AMBRA1: variants seen among roughly 807,000 people sequenced by gnomAD.
AMBRA1 encodes autophagy and beclin 1 regulator 1.
Under a neutral mutation model 125.4 loss-of-function variants are expected in AMBRA1, and 47 were observed. The ratio of observed to expected loss-of-function variants is 0.37; its 90% CI spans 0.30 to 0.48. The LOEUF (loss-of-function observed/expected upper bound fraction) is 0.48, where lower values mean the gene tolerates loss of function less well. AMBRA1 is among the 20% of genes least tolerant of loss of function. The probability of loss-of-function intolerance (pLI) is 0.99; values close to 1 mark genes in which losing one functional copy is unlikely to be tolerated. For synonymous variants in AMBRA1, 626 were observed against 655.5 expected, an observed-to-expected ratio of 0.95 and a Z score of 0.69; for missense variants, 1,331 against 1,693.4, an observed-to-expected ratio of 0.79 and a Z score of 3.76.
chr11:46,397,679 T>G lies in AMBRA1; in HGVS notation c.3668A>C (p.Glu1223Ala). The G allele has an allele frequency of 6.2e-7, 1 of 1,613,120 alleles. No individual in the cohort carries two copies. The highest frequency in any genetic ancestry group is 1.3e-5 in the African/African-American group (1 of 75,032). ...AGCTGTCCGGGGGCTTAGGCCTCGC[T>G]CTGCCAGTTGCCCGGCCTCTGGGAG... ...GLLPEAGQLA[E>A]RGLSPRTASW... The change falls in exon 18 of 18, where the codon GAG (glutamate) becomes GCG (alanine). Residue 1223 changes from glutamate to alanine, a missense_variant. Transcript: ENST00000683756.
intron 14 of AMBRA1, among the ~76,000 whole-genome samples, chr11:46,422,353 G>T (rs1267936683): frequency 1.3e-5 from 2 of 152,168 alleles, no homozygotes; most frequent in African/African-American, 4.8e-5. Flanking sequence ...TAGAGTTAGT[G>T]CAGTCTCAGC....
At chr11:46,452,397 G>A (rs187666136) in intron 11 of AMBRA1, among the ~76,000 whole-genome samples, 2 of 152,140 alleles carry the variant, frequency 1.3e-5, no homozygotes, top group African/African-American at 4.8e-5. Context: ...TGCCCGGCTT[G>A]CCTTGAACTC....
At chr11:46,497,700 G>C (rs1950686846) in intron 9 of AMBRA1, among the ~76,000 whole-genome samples, 1 of 152,164 alleles carries the variant, frequency 6.6e-6, no homozygotes, top group Admixed American at 6.6e-5. Context: ...AGGTGGCAAA[G>C]GTCAAAATAT....
At chr11:46,433,334 C>T in intron 14 of AMBRA1, 140 bp downstream of exon 14, 1 of 1,073,072 alleles carries the variant, frequency 9.3e-7, no homozygotes, top group Non-Finnish European at 1.3e-6. Context: ...CATGGATGGG[C>T]TTGACTACAG....
chr11:46,553,008 C>A (rs974811903), intron 1 of AMBRA1, among the ~76,000 whole-genome samples: 3 of 151,860 alleles, frequency 2.0e-5, no homozygotes, highest in Non-Finnish European at 4.4e-5. Context: ...TGCAGTGGGG[C>A]GATCTCGGCT....
At chr11:46,466,451 A>G (rs1336430352) in intron 11 of AMBRA1, among the ~76,000 whole-genome samples, 1 of 152,204 alleles carries the variant, frequency 6.6e-6, no homozygotes, top group African/African-American at 2.4e-5. Context: ...GAGAAGGAGC[A>G]GGAAATTTAC....
At chr11:46,441,024 C>A (rs1056630350) in intron 12 of AMBRA1, among the ~76,000 whole-genome samples, 5 of 152,124 alleles carry the variant, frequency 3.3e-5, no homozygotes, top group Non-Finnish European at 7.4e-5. Context: ...TGGTGCAATG[C>A]CCTGCCTGAT....
In AMBRA1 at chr11:46,438,662, C is replaced by T. The variant is rs529038215; in HGVS notation, c.2633-3625G>A. 1.6e-4 allele frequency among the ~76,000 whole-genome samples: 24 copies of T among 152,260 alleles called. 1 individual carries two copies. The South Asian group carries it at 5.0e-3, about 32-fold the overall frequency. On this transcript the variant is annotated intron_variant, in intron 12 of 17. Coordinates refer to ENST00000683756, the MANE Select transcript of AMBRA1 (RefSeq NM_001387011.1). Reference sequence around the variant, plus strand: ...GACCCATAAACACTCCCTGAAGGCACTATATCCCCTGTGGTATCGCCTGCC... The same window carrying T: ...GACCCATAAACACTCCCTGAAGGCATTATATCCCCTGTGGTATCGCCTGCC...
intron 1 of AMBRA1, among the ~76,000 whole-genome samples, chr11:46,561,524 T>A (rs760337498): frequency 1.3e-5 from 2 of 152,092 alleles, no homozygotes; most frequent in Non-Finnish European, 2.9e-5. Context: ...AAGAAATTCA[T>A]CTAGATTCAC....
chr11:46,418,069 AG>A lies in AMBRA1; in HGVS notation c.2977-18del. On this transcript the variant is annotated intron_variant, in intron 14 of 17. Transcript: ENST00000683756. Reference sequence around the variant, plus strand: ...GAAAACTCTCTAGGTAGAGGAAAAGAGGGAAAAAAAGAGAATGGGAGGAGAA... The same window carrying A: ...GAAAACTCTCTAGGTAGAGGAAAAGAGGAAAAAAAGAGAATGGGAGGAGAA... 1 of 1,533,916 alleles carries A rather than the reference AG, an allele frequency of 6.5e-7. No individual in the cohort carries two copies.
chr11:46,479,513 A>G (rs1949969044), intron 11 of AMBRA1, among the ~76,000 whole-genome samples: 1 of 152,160 alleles, frequency 6.6e-6, no homozygotes, highest in Non-Finnish European at 1.5e-5. Context: ...CCTGGCCAAC[A>G]TGGTGAAACC....
At chr11:46,426,070 T>TAAA (rs796784265) in intron 14 of AMBRA1, among the ~76,000 whole-genome samples, 9 of 87,208 alleles carry the variant, frequency 1.0e-4, no homozygotes, top group African/African-American at 2.9e-4. Context: ...CATCTCAAAA[T>TAAA]AAAAAAAAAA....
At chr11:46,503,822 T>C (rs1950931466) in intron 9 of AMBRA1, among the ~76,000 whole-genome samples, 1 of 152,152 alleles carries the variant, frequency 6.6e-6, no homozygotes, top group Non-Finnish European at 1.5e-5. Flanking sequence ...GTACAGCCCG[T>C]GTGTCAAAAT....
At chr11:46,524,151 A>C (rs1039979806) in intron 7 of AMBRA1, among the ~76,000 whole-genome samples, 1 of 152,234 alleles carries the variant, frequency 6.6e-6, no homozygotes, top group African/African-American at 2.4e-5. Flanking sequence ...TACAGGTGTG[A>C]GCCACCGCAC....
At chr11:46,447,982 A>C (rs889900647) in intron 11 of AMBRA1, among the ~76,000 whole-genome samples, 2 of 152,212 alleles carry the variant, frequency 1.3e-5, no homozygotes, top group African/African-American at 2.4e-5. Flanking sequence ...CATCTACTCC[A>C]ATCTCTGTGT....
chr11:46,521,960 C>T (rs1951780244), intron 7 of AMBRA1, among the ~76,000 whole-genome samples: 1 of 152,200 alleles, frequency 6.6e-6, no homozygotes, highest in Non-Finnish European at 1.5e-5. Context: ...CAAAATAATG[C>T]TTTTCACCAG....
At chr11:46,415,482 A>T (rs1315225329) in intron 15 of AMBRA1, among the ~76,000 whole-genome samples, 2 of 152,230 alleles carry the variant, frequency 1.3e-5, no homozygotes, top group Non-Finnish European at 2.9e-5. Context: ...GAGGAATTCT[A>T]GTTCTGTCAT....
Position 46,397,160 on chromosome 11 carries a change from A to C in AMBRA1, c.*290T>G, listed in dbSNP as rs754284387. On this transcript the variant is annotated 3_prime_UTR_variant, in exon 18 of 18. Coordinates refer to ENST00000683756, the MANE Select transcript of AMBRA1 (RefSeq NM_001387011.1). ...AGTCCCCTGAGCCCATGTTACTAGG[A>C]GAAAGTGGGGTGCCTGGCAGAGATA... The C allele has an allele frequency of 4.0e-5, 12 of 299,436 alleles. No individual in the cohort carries two copies. The highest frequency in any genetic ancestry group is 6.7e-5 in the Non-Finnish European group (11 of 163,510). 18.5% of individuals were successfully genotyped at this position (299,436 alleles called of 1,614,324 possible).
intron 7 of AMBRA1, among the ~76,000 whole-genome samples, chr11:46,538,228 G>A (rs909368956): frequency 5.3e-5 from 8 of 152,032 alleles, no homozygotes; most frequent in Non-Finnish European, 1.0e-4. Flanking sequence ...TATGGTATAC[G>A]ACATCCTAGC....
Sources: gnomAD v4.1 joint callset for allele counts (sites outside exome capture counted in the v4.1 genomes callset) on GRCh38, gnomAD v4.1.1 for gene constraint, MANE v1.5 for transcripts, NCBI Gene and HGNC (gene_info 2026-07-23, HGNC 2026-07-21) for gene names.